The following ARHGEF4 variants were observed in gnomAD, a reference collection of about 807,000 sequenced individuals.
ARHGEF4 encodes the protein Rho guanine nucleotide exchange factor 4, also known as APC-stimulated guanine nucleotide exchange factor 1.
ARHGEF4 carries 119 observed loss-of-function variants against 162.0 expected under a neutral mutation model. That is an observed-to-expected ratio of 0.73 (90% CI 0.63 to 0.86). ARHGEF4 has a LOEUF of 0.86. Ranked by LOEUF, ARHGEF4 falls within the 40% of genes least tolerant of loss-of-function variation. The pLI, the probability that ARHGEF4 is intolerant of heterozygous loss-of-function variation, is 0.00. For missense variants in ARHGEF4, 2,488 were observed against 2,456.0 expected, an observed-to-expected ratio of 1.01 and a Z score of -0.28; for synonymous variants, 1,014 against 979.9, an observed-to-expected ratio of 1.03 and a Z score of -0.65.
rs1450866942 is a variant in ARHGEF4 at position 130,917,351 on chromosome 2, A to T, written c.3405A>T (p.Arg1135Ser). The change falls in exon 2 of 14, where the codon AGA becomes AGT. Residue 1135 changes from arginine to serine, a missense_variant. This residue lies in a region of ARHGEF4 where 1,642 missense variants were observed against 1,481.5 expected (regional missense o/e 1.11). Coordinates refer to ENST00000409359, the MANE Select transcript of ARHGEF4 (RefSeq NM_001367493.1). ...ACAGCAGTTCAGGGGACCCTGAAAG[A>T]CCCAAGATTCCCAAGGGCCAGACCA... ...YVDSSSGDPE[R>S]PKIPKGQTSF... 1 of 1,550,462 alleles carries T rather than the reference A, an allele frequency of 6.4e-7. No individual in the cohort carries two copies. Among genetic ancestry groups the T allele is most frequent in the South Asian group, 1.2e-5 (1 of 84,052 alleles).
At chr2:130,965,229 C>T (rs947153981) in intron 4 of ARHGEF4, among the ~76,000 whole-genome samples, 5 of 152,156 alleles carry the variant, frequency 3.3e-5, no homozygotes, top group African/African-American at 1.2e-4. Flanking sequence ...GAGCACAGGC[C>T]TTGTTGGGCA....
At chr2:130,838,931 C>G (rs12472354) in intron 1 of ARHGEF4, among the ~76,000 whole-genome samples, 24,229 of 152,102 alleles carry the variant, frequency 0.16, 2,017 homozygotes, top group Admixed American at 0.22. Flanking sequence ...TGGGATTTGG[C>G]CTTTGTGAAA....
At chr2:130,990,279 G>A (rs780934076) in intron 4 of ARHGEF4, among the ~76,000 whole-genome samples, 26 of 152,186 alleles carry the variant, frequency 1.7e-4, no homozygotes, top group Non-Finnish European at 3.4e-4. Context: ...TTGAAGAGAT[G>A]TGTTAAAGCA....
At chr2:130,980,389 C>CAAA (rs70994728) in intron 4 of ARHGEF4, among the ~76,000 whole-genome samples, 8 of 141,456 alleles carry the variant, frequency 5.7e-5, no homozygotes, top group African/African-American at 7.9e-5. Flanking sequence ...GACCATGTCT[C>CAAA]AAAAAAAAAA....
rs1034891384 is a variant in ARHGEF4, at chr2:131,046,236, C to T, written c.*47C>T. 6.4e-7 allele frequency: 1 copy of T among 1,565,202 alleles called. No homozygotes were observed. The highest frequency in any genetic ancestry group is 8.7e-7 in the Non-Finnish European group (1 of 1,148,844). On this transcript the variant is annotated 3_prime_UTR_variant, in exon 14 of 14. Coordinates refer to ENST00000409359, the MANE Select transcript of ARHGEF4 (RefSeq NM_001367493.1). Reference sequence around the variant, plus strand: ...CCTGCTGGGCCTTCCTGCCAGTGGCCCCCAGTTTTTCTTCCCCGAGGCCCA... The same window carrying T: ...CCTGCTGGGCCTTCCTGCCAGTGGCTCCCAGTTTTTCTTCCCCGAGGCCCA...
chr2:130,868,705 T>C (rs985489368), intron 1 of ARHGEF4, among the ~76,000 whole-genome samples: 1 of 152,214 alleles, frequency 6.6e-6, no homozygotes, highest in Non-Finnish European at 1.5e-5. Context: ...GACTTTCCTG[T>C]AGCTGCTGCA....
intron 5 of ARHGEF4, among the ~76,000 whole-genome samples, chr2:131,029,627 A>T (rs1160774104): frequency 6.7e-6 from 1 of 149,300 alleles, no homozygotes; most frequent in Non-Finnish European, 1.5e-5. Flanking sequence ...GGTCTCGGCT[A>T]ACTGCCACCT....
chr2:130,846,810 G>C lies in ARHGEF4; in HGVS notation c.39+9818G>C, dbSNP rs112355329. Reference sequence around the variant, plus strand: ...GTCAGGGCAATGCACGTTTGTCTGTGCTCAGACATGAGTCCGGAGAGTCTT... The same window carrying C: ...GTCAGGGCAATGCACGTTTGTCTGTCCTCAGACATGAGTCCGGAGAGTCTT... On this transcript the variant is annotated intron_variant, in intron 1 of 13. Coordinates refer to ENST00000409359, the MANE Select transcript of ARHGEF4 (RefSeq NM_001367493.1). Among the ~76,000 whole-genome samples the C allele has an allele frequency of 8.1e-4, 123 of 152,310 alleles. 2 individuals are homozygous for C. Among genetic ancestry groups the C allele is most frequent in the African/African-American group, 2.9e-3 (120 of 41,564 alleles).
intron 1 of ARHGEF4, among the ~76,000 whole-genome samples, chr2:130,905,889 T>TG (rs962798668): frequency 7.9e-5 from 12 of 152,360 alleles, no homozygotes; most frequent in African/African-American, 2.9e-4. Flanking sequence ...AGGCACTCAC[T>TG]GGGGGTCTTG....
At chr2:130,875,673 C>T (rs531991610) in intron 1 of ARHGEF4, among the ~76,000 whole-genome samples, 2 of 152,326 alleles carry the variant, frequency 1.3e-5, no homozygotes, top group South Asian at 4.1e-4. Context: ...GATTTCGCCA[C>T]CTCCCAACAC....
chr2:130,880,408 A>C (rs1287859352), intron 1 of ARHGEF4, among the ~76,000 whole-genome samples: 1 of 152,220 alleles, frequency 6.6e-6, no homozygotes, highest in Non-Finnish European at 1.5e-5. Flanking sequence ...TTGTTAACTA[A>C]TAATAGAAGG....
At chr2:130,967,597 G>A (rs1490956918) in intron 4 of ARHGEF4, among the ~76,000 whole-genome samples, 1 of 152,196 alleles carries the variant, frequency 6.6e-6, no homozygotes. Flanking sequence ...CGCAGGCAAG[G>A]CCTCTCCTGC....
At chr2:130,881,003 C>T (rs75440782) in intron 1 of ARHGEF4, among the ~76,000 whole-genome samples, 1 of 152,032 alleles carries the variant, frequency 6.6e-6, no homozygotes, top group Non-Finnish European at 1.5e-5. Flanking sequence ...GAGATGGATT[C>T]TTGTGAAGAT....
intron 2 of ARHGEF4, among the ~76,000 whole-genome samples, chr2:130,928,646 C>T (rs1682450269): frequency 6.6e-6 from 1 of 152,208 alleles, no homozygotes; most frequent in South Asian, 2.1e-4. Context: ...AACTCCAAGT[C>T]ATCTGCATTT....
chr2:130,919,647 G>A (rs922303614), intron 2 of ARHGEF4, among the ~76,000 whole-genome samples: 3 of 152,092 alleles, frequency 2.0e-5, no homozygotes, highest in African/African-American at 7.2e-5. Context: ...AGGCCGAAGC[G>A]GGCGGATCAC....
chr2:130,961,125 C>T (rs1684598709), intron 4 of ARHGEF4, among the ~76,000 whole-genome samples: 1 of 152,178 alleles, frequency 6.6e-6, no homozygotes. Context: ...CCTCTCCTTC[C>T]CAGCTGACCA....
chr2:130,904,192 T>C (rs1464323554), intron 1 of ARHGEF4, among the ~76,000 whole-genome samples: 1 of 152,194 alleles, frequency 6.6e-6, no homozygotes, highest in Non-Finnish European at 1.5e-5. Flanking sequence ...TATTCCTGGC[T>C]TCTTTAGGAA....
rs1041721168 is a variant in ARHGEF4 at position 130,914,050 on chromosome 2, C to T, written c.104C>T (p.Ser35Phe). 8.5e-6 allele frequency: 13 copies of T among 1,536,164 alleles called. No homozygotes were observed. The highest frequency in any genetic ancestry group is 1.2e-5 in the South Asian group (1 of 84,066). ...ATTGAAGATAACCAGCTCCCCACAT[C>T]CCCTGCAGAACAAGTGGAGCAGGGA... The part of the protein sequence containing the change: ...GEIEDNQLPT[S>F]PAEQVEQGWN... The change falls in exon 2 of 14, where the codon TCC becomes TTC. Residue 35 changes from serine to phenylalanine, a missense_variant. This residue lies in a region of ARHGEF4 where 171 missense variants were observed against 169.4 expected (regional missense o/e 1.01). Transcript: ENST00000409359.
chr2:130,926,008 T>TTTTTCTTTCTTTC (rs1307168731), intron 2 of ARHGEF4, among the ~76,000 whole-genome samples: 1 of 19,002 alleles, frequency 5.3e-5, no homozygotes, highest in Non-Finnish European at 2.2e-4. Flanking sequence ...ATTTGTTTGG[T>TTTTTCTTTCTTTC]TTTCTCTCTT....
Sources: allele counts gnomAD v4.1 joint callset (sites outside exome capture counted in the v4.1 genomes callset), GRCh38; gene constraint gnomAD v4.1.1; regional missense constraint gnomAD v4.1.1; transcripts MANE v1.5; gene names NCBI Gene and HGNC (gene_info 2026-07-23, HGNC 2026-07-21).